TIRAP: variants seen among roughly 807,000 people sequenced by gnomAD.
TIRAP encodes TIR domain containing adaptor protein.
TIRAP carries 20 observed loss-of-function variants against 19.8 expected under a neutral mutation model. That is an observed-to-expected ratio of 1.01 (90% CI 0.71 to 1.47). The LOEUF (loss-of-function observed/expected upper bound fraction) is 1.47. TIRAP is among the 40% of genes most tolerant of loss of function. TIRAP has a pLI of 0.00. For missense variants in TIRAP, 276 were observed against 285.1 expected, an observed-to-expected ratio of 0.97 and a Z score of 0.23; for synonymous variants, 125 against 121.7, an observed-to-expected ratio of 1.03 and a Z score of -0.18.
chr11:126,291,644 C>A lies in TIRAP; in HGVS notation c.67+683C>A. ...AGCCTCTTCCCCATTTAGCGACAAT[C>A]TAGGATTTCTTGGGGCCAAACAGAT... On this transcript the variant is annotated intron_variant, in intron 3 of 4. Transcript: ENST00000392679. The surrounding 1 kb of genome is among the most constrained non-coding windows in gnomAD (Gnocchi z 5.6). 2.4e-6 allele frequency: 1 copy of A among 412,704 alleles called. No individual in the cohort carries two copies. The highest frequency in any genetic ancestry group is 4.9e-6 in the Non-Finnish European group (1 of 203,618). The allele number at this position is 412,704 out of a possible 1,614,324, so 25.6% of individuals were successfully genotyped here.
rs1463831948 is a variant in TIRAP at position 126,290,721 on chromosome 11, C to T, written c.-92-82C>T. The T allele has an allele frequency of 7.2e-7, 1 of 1,385,820 alleles. No individual in the cohort carries two copies. The highest frequency in any genetic ancestry group is 1.5e-5 in the African/African-American group (1 of 66,894). The allele number at this position is 1,385,820 out of a possible 1,614,324, so 85.8% of individuals were successfully genotyped here. On this transcript the variant is annotated intron_variant, in intron 2 of 4. Coordinates refer to ENST00000392679, the MANE Select transcript of TIRAP (RefSeq NM_001318777.2). The surrounding 1 kb of genome is among the most constrained non-coding windows in gnomAD (Gnocchi z 4.9). ...CCTCTGTCAGGCATTAGGAGAGAAA[C>T]AGAACTTCGCAGAGCTCATCCATGG...
chr11:126,285,245 A>G (rs145396272), intron 1 of TIRAP, among the ~76,000 whole-genome samples: 2,501 of 46,626 alleles, frequency 0.054, 71 homozygotes, highest in African/African-American at 0.12. Flanking sequence ...GTGTGTGTGT[A>G]TATATATATA....
rs1426377441 is a variant in TIRAP, at chr11:126,290,249, C to G, written c.-216-213C>G. Among the ~76,000 whole-genome samples the G allele has an allele frequency of 6.6e-6, 1 of 152,182 alleles. No individual in the cohort carries two copies. Among genetic ancestry groups the G allele is most frequent in the East Asian group, 1.9e-4 (1 of 5,202 alleles). On this transcript the variant is annotated intron_variant, in intron 1 of 4. Transcript: ENST00000392679. This position sits in a 1 kb window ranked among gnomAD's most constrained non-coding sequence, Gnocchi z 4.9. Reference sequence around the variant, plus strand: ...GAGAATCAGGCACTCTACCTGCAGTCTGCAGTCTGTACCACTTTTTGACAT... The same window carrying G: ...GAGAATCAGGCACTCTACCTGCAGTGTGCAGTCTGTACCACTTTTTGACAT...
At position 126,293,028 on chromosome 11, in the gene TIRAP, C is replaced by G. The variant is rs747681363; in HGVS notation, c.619C>G (p.Arg207Gly). ...TGGCAGGGGCCCTGATGGTGGCTTT[C>G]GTCAAGTCAAAGAAGCTGTCATGCG... ...VDGRGPDGGF[R>G]QVKEAVMRYL... is the part of the protein sequence containing the mutation. The change falls in exon 4 of 5, where the codon CGT (arginine) becomes GGT (glycine). Residue 207 changes from arginine (R) to glycine (G), a missense_variant. Arg to Gly is a moderately radical substitution (Grantham distance 125, BLOSUM62 -2). Transcript: ENST00000392679. The G allele has an allele frequency of 1.9e-6, 3 of 1,614,010 alleles. No individual in the cohort carries two copies. The African/African-American group carries it at 4.0e-5, about 22-fold the overall frequency.
Position 126,288,014 on chromosome 11 carries a change from A to G in TIRAP, c.-216-2448A>G, listed in dbSNP as rs1434719609. 6.6e-6 allele frequency among the ~76,000 whole-genome samples: 1 copy of G among 152,136 alleles called. No homozygotes were observed. The highest frequency in any genetic ancestry group is 2.4e-5 in the African/African-American group (1 of 41,428). ...CATGATCTGCCCACCTCGGCCTCCC[A>G]AAGTGCTGGGATTACAGGGGAGCAC... On this transcript the variant is annotated intron_variant, in intron 1 of 4. Transcript: ENST00000392679. The surrounding 1 kb of genome is among the most constrained non-coding windows in gnomAD (Gnocchi z 5.0).
chr11:126,288,381 T>G lies in TIRAP; in HGVS notation c.-216-2081T>G, dbSNP rs554719830. 3.3e-5 allele frequency: 5 copies of G among 152,282 alleles called. No individual in the cohort carries two copies. The highest frequency in any genetic ancestry group is 9.6e-5 in the African/African-American group (4 of 41,566). The allele number at this position is 152,282 out of a possible 1,614,324, so 9.4% of individuals were successfully genotyped here. ...ACCTTACCTACTTGTCAACCACATC[T>G]CAAGATATGATGACAGTTACCAGGT... is the stretch of plus-strand genomic sequence containing the variant. On this transcript the variant is annotated intron_variant, in intron 1 of 4. Transcript: ENST00000392679. The surrounding 1 kb of genome is among the most constrained non-coding windows in gnomAD (Gnocchi z 5.0).
In TIRAP at chr11:126,294,473, A is replaced by G. The variant is rs1231921542; in HGVS notation, c.*786A>G. On this transcript the variant is annotated 3_prime_UTR_variant, in exon 5 of 5. Transcript: ENST00000392679. ...GTTCAATGCCTTCACCTGAGATCACAAGCCCATGGATGCTGTGACATCTGG... is the reference window on the plus strand; with the variant it reads ...GTTCAATGCCTTCACCTGAGATCACGAGCCCATGGATGCTGTGACATCTGG... The G allele has an allele frequency of 2.2e-6, 1 of 455,670 alleles. No homozygotes were observed. 28.2% of individuals were successfully genotyped at this position (455,670 alleles called of 1,614,324 possible).
chr11:126,293,057 T>G lies in TIRAP; in HGVS notation c.646+2T>G. The G allele has an allele frequency of 6.2e-7, 1 of 1,614,184 alleles. No homozygotes were observed. The highest frequency in any genetic ancestry group is 8.5e-7 in the Non-Finnish European group (1 of 1,180,032). ...AAGTCAAAGAAGCTGTCATGCGTTG[T>G]AAGCTACTACAGGAGGGAGAAGGGG... On this transcript the variant is annotated splice_donor_variant, in intron 4 of 4. Coordinates refer to ENST00000392679, the MANE Select transcript of TIRAP (RefSeq NM_001318777.2). LOFTEE classifies it high-confidence loss of function.
chr11:126,284,345 C>A (rs1252676055), intron 1 of TIRAP, among the ~76,000 whole-genome samples: 3 of 152,150 alleles, frequency 2.0e-5, no homozygotes, highest in Non-Finnish European at 4.4e-5. Flanking sequence ...TTCATGTACT[C>A]TTACGTGTGT....
intron 1 of TIRAP, among the ~76,000 whole-genome samples, chr11:126,289,361 C>A (rs1057356062): frequency 2.6e-5 from 4 of 152,140 alleles, no homozygotes; most frequent in African/African-American, 7.2e-5. Flanking sequence ...TCACTGCAAC[C>A]TCCGCCTCCA....
chr11:126,289,646 G>T, intron 1 of TIRAP: 2 of 947,566 alleles, frequency 2.1e-6, no homozygotes, highest in Non-Finnish European at 1.3e-6. Context: ...GAGTTCTCAG[G>T]TTTGTTTTGA....
At chr11:126,289,646 G>C in intron 1 of TIRAP, 3 of 947,566 alleles carry the variant, frequency 3.2e-6, no homozygotes, top group Non-Finnish European at 3.8e-6. Flanking sequence ...GAGTTCTCAG[G>C]TTTGTTTTGA....
Position 126,291,646 on chromosome 11 carries a change from A to G in TIRAP, c.67+685A>G. ...CCTCTTCCCCATTTAGCGACAATCTAGGATTTCTTGGGGCCAAACAGATGC... is the reference window on the plus strand; with the variant it reads ...CCTCTTCCCCATTTAGCGACAATCTGGGATTTCTTGGGGCCAAACAGATGC... On this transcript the variant is annotated intron_variant, in intron 3 of 4. Coordinates refer to ENST00000392679, the MANE Select transcript of TIRAP (RefSeq NM_001318777.2). The surrounding 1 kb of genome is among the most constrained non-coding windows in gnomAD (Gnocchi z 5.6). The G allele has an allele frequency of 4.9e-6, 2 of 412,182 alleles. No individual in the cohort carries two copies. The highest frequency in any genetic ancestry group is 9.8e-6 in the Non-Finnish European group (2 of 203,350). 25.5% of individuals were successfully genotyped at this position (412,182 alleles called of 1,614,324 possible).
At position 126,291,216 on chromosome 11, in the gene TIRAP, G is replaced by A. The variant is rs1951380560; in HGVS notation, c.67+255G>A. 1 of 599,962 alleles carries A rather than the reference G, an allele frequency of 1.7e-6. No homozygotes were observed. The highest frequency in any genetic ancestry group is 1.9e-5 in the African/African-American group (1 of 53,788). The allele number at this position is 599,962 out of a possible 1,614,324, so 37.2% of individuals were successfully genotyped here. A position where few individuals can be genotyped will look rare whatever the true frequency, so the allele number is the denominator to read the frequency against. ...CTGCTCAGCTAGCTTTCCTAGCCTG[G>A]AAACCACTGTGCTGAGTGCTTAACA... On this transcript the variant is annotated intron_variant, in intron 3 of 4. Coordinates refer to ENST00000392679, the MANE Select transcript of TIRAP (RefSeq NM_001318777.2). This position sits in a 1 kb window ranked among gnomAD's most constrained non-coding sequence, Gnocchi z 5.6.
Position 126,292,817 on chromosome 11 carries a change from A to G in TIRAP, c.408A>G (p.Ala136=). The G allele has an allele frequency of 6.2e-7, 1 of 1,613,214 alleles. No homozygotes were observed. Reference sequence around the variant, plus strand: ...CTATAGTGTCCGAGCTGTGCCAGGCACTGAGCAGTAGTCACTGCCGGGTGC... The same window carrying G: ...CTATAGTGTCCGAGCTGTGCCAGGCGCTGAGCAGTAGTCACTGCCGGGTGC... ...GGAIVSELCQ[A]LSSSHCRVLL... Residue 136 remains alanine, a synonymous_variant, in exon 4 of 5, where the codon GCA becomes GCG. Transcript: ENST00000392679.
intron 1 of TIRAP, among the ~76,000 whole-genome samples, chr11:126,286,358 G>C (rs1951322507): frequency 6.6e-6 from 1 of 152,044 alleles, no homozygotes; most frequent in Admixed American, 6.6e-5. Flanking sequence ...GAATGAGTCT[G>C]TCTGAAAAAA....
In TIRAP at chr11:126,291,539, ACAGT is replaced by A. The variant is rs1951387788; in HGVS notation, c.67+581_67+584del. The A allele has an allele frequency of 1.5e-6, 1 of 670,872 alleles. No homozygotes were observed. Among genetic ancestry groups the A allele is most frequent in the Admixed American group, 2.3e-5 (1 of 42,842 alleles). 41.6% of individuals were successfully genotyped at this position (670,872 alleles called of 1,614,324 possible). A position where few individuals can be genotyped will look rare whatever the true frequency, so the allele number is the denominator to read the frequency against. Reference sequence around the variant, plus strand: ...GCAACTAAGACAGGTCCACAAGTCCACAGTCAAAGCCGTGTCCCTGACTCCAGAG... The same window carrying A: ...GCAACTAAGACAGGTCCACAAGTCCACAAAGCCGTGTCCCTGACTCCAGAG... On this transcript the variant is annotated intron_variant, in intron 3 of 4. Coordinates refer to ENST00000392679, the MANE Select transcript of TIRAP (RefSeq NM_001318777.2). This position sits in a 1 kb window ranked among gnomAD's most constrained non-coding sequence, Gnocchi z 5.6.
chr11:126,286,545 C>T (rs1418304266), intron 1 of TIRAP, among the ~76,000 whole-genome samples: 2 of 152,172 alleles, frequency 1.3e-5, no homozygotes, highest in East Asian at 1.9e-4. Flanking sequence ...TAATCCTACC[C>T]AAACGTTTTA....
At chr11:126,292,380 T>C in intron 3 of TIRAP, 97 bp from the exon 4 acceptor site, 2 of 1,332,298 alleles carry the variant, frequency 1.5e-6, no homozygotes, top group Non-Finnish European at 2.1e-6. Flanking sequence ...TGGGCTGCAG[T>C]CTGTCTGTCC....
Sources: gnomAD v4.1 joint callset for allele counts (sites outside exome capture counted in the v4.1 genomes callset) on GRCh38, gnomAD v4.1.1 for gene constraint, Gnocchi (gnomAD v3.1) non-coding constraint, MANE v1.5 for transcripts, NCBI Gene and HGNC (gene_info 2026-07-23, HGNC 2026-07-21) for gene names.